The following GSG1L variants were observed in gnomAD, a reference collection of about 807,000 sequenced individuals.
The protein encoded by GSG1L is GSG1 like.
GSG1L carries 24 observed loss-of-function variants against 42.1 expected under a neutral mutation model. The ratio of observed to expected loss-of-function variants is 0.57; its 90% CI spans 0.41 to 0.80. The LOEUF is 0.80. Among genes scored for constraint, GSG1L ranks in the 30% least tolerant of loss-of-function variants. The pLI is 0.00. For synonymous variants in GSG1L, 215 were observed against 203.5 expected (o/e 1.06, Z -0.48); for missense variants, 445 against 472.2 (o/e 0.94, Z 0.53).
At chr16:27,816,037 G>A (rs1355790442) in intron 5 of GSG1L, among the ~76,000 whole-genome samples, 1 of 152,148 alleles carries the variant, frequency 6.6e-6, no homozygotes, top group Non-Finnish European at 1.5e-5. Context: ...CCTGGTGCTT[G>A]CCATTATTAT....
chr16:27,817,848 C>T (rs1465480586), intron 5 of GSG1L, among the ~76,000 whole-genome samples: 1 of 152,212 alleles, frequency 6.6e-6, no homozygotes, highest in South Asian at 2.1e-4. Flanking sequence ...CCAGGGACCA[C>T]ACTTTGAGTA....
At chr16:27,874,959 T>G (rs2083868863) in intron 3 of GSG1L, among the ~76,000 whole-genome samples, 1 of 152,204 alleles carries the variant, frequency 6.6e-6, no homozygotes, top group Admixed American at 6.5e-5. Context: ...TGGAGTGTGA[T>G]GCTGCTTCTG....
At chr16:27,963,020 G>C in intron 2 of GSG1L, 136 bp downstream of exon 2, 1 of 708,826 alleles carries the variant, frequency 1.4e-6, no homozygotes, top group Non-Finnish European at 2.5e-6. Flanking sequence ...TTGCAACAGG[G>C]TGTCTGGCTC....
chr16:27,990,155 ATTTT>A (rs2085439173), intron 1 of GSG1L, among the ~76,000 whole-genome samples: 1 of 152,148 alleles, frequency 6.6e-6, no homozygotes, highest in Admixed American at 6.6e-5. Context: ...GACTGAAATC[ATTTT>A]TATGACTTTT....
chr16:27,882,328 C>T (rs955992069), intron 3 of GSG1L, among the ~76,000 whole-genome samples: 1 of 152,162 alleles, frequency 6.6e-6, no homozygotes, highest in African/African-American at 2.4e-5. Flanking sequence ...TACCCAGTCT[C>T]GGGTATGTCT....
chr16:27,803,209 C>T (rs778582667), intron 6 of GSG1L, among the ~76,000 whole-genome samples: 10 of 152,198 alleles, frequency 6.6e-5, no homozygotes, highest in Middle Eastern at 3.4e-3. Flanking sequence ...CCCAGCTCCA[C>T]GGTGGTGCAC....
At chr16:27,893,026 A>AGCCT (rs1305559304) in intron 2 of GSG1L, among the ~76,000 whole-genome samples, 1 of 152,128 alleles carries the variant, frequency 6.6e-6, no homozygotes, top group Admixed American at 6.5e-5. Flanking sequence ...GGCCCGGCAG[A>AGCCT]GCCTCGCCTT....
At chr16:27,934,419 C>T (rs1030581770) in intron 2 of GSG1L, among the ~76,000 whole-genome samples, 7 of 152,148 alleles carry the variant, frequency 4.6e-5, no homozygotes, top group Admixed American at 1.3e-4. Context: ...CCTGTAATCT[C>T]AGCTATTTGG....
rs2084243970 is a variant in GSG1L, at chr16:27,900,506, G to A, written c.398-15868C>T. On this transcript the variant is annotated intron_variant, in intron 2 of 6. Coordinates refer to ENST00000447459, the MANE Select transcript of GSG1L (RefSeq NM_001109763.2). ...GAGCACCTCCCTGATGCCTGCTTGG[G>A]GGGCCTGGCTGGTTCCTTCCAAGTA... is the stretch of plus-strand genomic sequence containing the variant. Among the ~76,000 whole-genome samples the A allele has an allele frequency of 2.0e-5, 3 of 152,186 alleles. No homozygotes were observed. In the South Asian group the frequency reaches 6.2e-4, roughly 31 times the overall value.
At chr16:27,992,320 C>T (rs1236754365) in intron 1 of GSG1L, among the ~76,000 whole-genome samples, 1 of 152,220 alleles carries the variant, frequency 6.6e-6, no homozygotes, top group Admixed American at 6.5e-5. Context: ...ATGGTGAAAC[C>T]TCGTCTCTAC....
intron 2 of GSG1L, among the ~76,000 whole-genome samples, chr16:27,917,416 G>C (rs555942911): frequency 6.6e-6 from 1 of 152,216 alleles, no homozygotes; most frequent in South Asian, 2.1e-4. Flanking sequence ...TAGGGGGAAT[G>C]AGCAGGACCC....
intron 2 of GSG1L, among the ~76,000 whole-genome samples, chr16:27,896,395 A>C (rs974901622): frequency 1.3e-5 from 2 of 152,160 alleles, no homozygotes; most frequent in African/African-American, 4.8e-5. Flanking sequence ...TGCATGGCAC[A>C]AGGGACTTTG....
In GSG1L at chr16:27,967,512, A is replaced by G. The variant is rs142636517; in HGVS notation, c.350-4309T>C. Among the ~76,000 whole-genome samples, 83 of 152,348 alleles carry G rather than the reference A, an allele frequency of 5.4e-4. 2 individuals carry two copies. The East Asian group carries it at 0.012, about 22-fold the overall frequency. ...ACACCTTCCATTACAGACAAAGACG[A>G]TAAGGCCCAGGGCAGCTGAGGGACC... is the stretch of plus-strand genomic sequence containing the variant. On this transcript the variant is annotated intron_variant, in intron 1 of 6. Coordinates refer to ENST00000447459, the MANE Select transcript of GSG1L (RefSeq NM_001109763.2).
chr16:27,800,647 A>G (rs1386899987), intron 6 of GSG1L, among the ~76,000 whole-genome samples: 1 of 152,240 alleles, frequency 6.6e-6, no homozygotes, highest in Non-Finnish European at 1.5e-5. Flanking sequence ...AGCCAAATCC[A>G]TATCACAGTA....
intron 6 of GSG1L, among the ~76,000 whole-genome samples, chr16:27,794,366 T>C (rs2082793320): frequency 1.3e-5 from 2 of 151,966 alleles, no homozygotes; most frequent in East Asian, 3.9e-4. Flanking sequence ...AGTCTCGCTC[T>C]GTTGCCCAGG....
chr16:27,920,172 G>C (rs2084507477), intron 2 of GSG1L, among the ~76,000 whole-genome samples: 1 of 152,176 alleles, frequency 6.6e-6, no homozygotes, highest in Non-Finnish European at 1.5e-5. Context: ...TCACATCCAG[G>C]CTCCTAAAAC....
chr16:27,859,766 C>G (rs2083620718), intron 3 of GSG1L, among the ~76,000 whole-genome samples: 1 of 152,220 alleles, frequency 6.6e-6, no homozygotes, highest in East Asian at 1.9e-4. Flanking sequence ...GCCTCAAACT[C>G]CTGGGCTCAA....
chr16:27,850,562 G>C (rs989631235), intron 3 of GSG1L: 14 of 455,928 alleles, frequency 3.1e-5, no homozygotes, highest in African/African-American at 2.0e-4. Context: ...GGAGGGACCA[G>C]CAAAGAAAGC....
rs2082735039 is a variant in GSG1L, at chr16:27,790,043, G to A, written c.*1327C>T. 1 of 151,682 alleles carries A rather than the reference G, an allele frequency of 6.6e-6. No homozygotes were observed. The highest frequency in any genetic ancestry group is 2.4e-5 in the African/African-American group (1 of 41,246). The allele number at this position is 151,682 out of a possible 1,614,324, so 9.4% of individuals were successfully genotyped here. A position where few individuals can be genotyped will look rare whatever the true frequency, so the allele number is the denominator to read the frequency against. Reference sequence around the variant, plus strand: ...GATGATGGATAGCTGATGAATGAGTGGATGGATGGCAAATGGATGGATGAA... The same window carrying A: ...GATGATGGATAGCTGATGAATGAGTAGATGGATGGCAAATGGATGGATGAA... On this transcript the variant is annotated 3_prime_UTR_variant, in exon 7 of 7. Coordinates refer to ENST00000447459, the MANE Select transcript of GSG1L (RefSeq NM_001109763.2).
Sources: allele counts gnomAD v4.1 joint callset (sites outside exome capture counted in the v4.1 genomes callset), GRCh38; gene constraint gnomAD v4.1.1; transcripts MANE v1.5; gene names NCBI Gene and HGNC (gene_info 2026-07-23, HGNC 2026-07-21).